Variants in NDST4 observed in about 807,000 individuals in gnomAD.
NDST4 encodes the protein N-deacetylase and N-sulfotransferase 4.
A neutral mutation model predicts 100.8 loss-of-function variants in NDST4; 63 were observed. The ratio of observed to expected loss-of-function variants is 0.62; its 90% confidence interval spans 0.51 to 0.77. NDST4 has a LOEUF of 0.77. NDST4 is among the 30% of genes least tolerant of loss of function. The probability of loss-of-function intolerance (pLI) is 0.00; values close to 1 mark genes in which losing one functional copy is unlikely to be tolerated. For synonymous variants in NDST4, 377 were observed against 361.8 expected (o/e 1.04, Z -0.48); for missense variants, 943 against 1,018.4 (o/e 0.93, Z 1.01).
Position 114,916,528 on chromosome 4 carries a change from G to A in NDST4, c.1536+18678C>T, listed in dbSNP as rs1725170482. 2.1e-5 allele frequency among the ~76,000 whole-genome samples: 3 copies of A among 144,820 alleles called. No homozygotes were observed. In the Admixed American group the frequency reaches 2.1e-4, roughly 10 times the overall value. On this transcript the variant is annotated intron_variant, in intron 6 of 13. Transcript: ENST00000264363. ...TCTAGTTCAGATGTCACATTGTCCT[G>A]GTAGGCTCTGTGTGTGTGTGTGTGT...
intron 2 of NDST4, among the ~76,000 whole-genome samples, chr4:115,011,423 A>G (rs1727542593): frequency 1.3e-5 from 2 of 150,732 alleles, no homozygotes; most frequent in South Asian, 4.2e-4. Context: ...CAAACTTTCT[A>G]CTTTTACAAT....
At chr4:114,929,109 C>G (rs111907201) in intron 6 of NDST4, among the ~76,000 whole-genome samples, 23 of 112,890 alleles carry the variant, frequency 2.0e-4, no homozygotes, top group Non-Finnish European at 3.3e-4. Context: ...TCCATCCATC[C>G]ATCCATCTAT....
intron 6 of NDST4, among the ~76,000 whole-genome samples, chr4:114,896,185 A>C (rs1004131269): frequency 1.3e-5 from 2 of 152,142 alleles, no homozygotes; most frequent in Non-Finnish European, 2.9e-5. Flanking sequence ...TAAACATTGG[A>C]CTCAATCTTT....
intron 7 of NDST4, among the ~76,000 whole-genome samples, chr4:114,868,483 C>T: frequency 6.6e-6 from 1 of 152,012 alleles, no homozygotes; most frequent in East Asian, 1.9e-4. Flanking sequence ...GACTTTTGGA[C>T]ATGATGTGTT....
rs1723345128 is a variant in NDST4 at position 114,838,275 on chromosome 4, T to C, written c.2286+1103A>G. ...AGACAGTATGGCAATTCTTCAAGGA[T>C]CTAGAGCCAGAGCTACCATTTGACC... On this transcript the variant is annotated intron_variant, in intron 11 of 13. Transcript: ENST00000264363. Among the ~76,000 whole-genome samples, 3 of 152,122 alleles carry C rather than the reference T, an allele frequency of 2.0e-5. No homozygotes were observed. The South Asian group carries it at 6.2e-4, about 31-fold the overall frequency.
At chr4:114,955,934 GA>G (rs1726129311) in intron 4 of NDST4, 1 of 152,142 alleles carries the variant, frequency 6.6e-6, no homozygotes, top group Non-Finnish European at 1.5e-5. Context: ...TTTCTCCTTG[GA>G]AATGGCAGTC....
At chr4:114,873,515 T>A (rs943134502) in intron 6 of NDST4, among the ~76,000 whole-genome samples, 1 of 152,012 alleles carries the variant, frequency 6.6e-6, no homozygotes, top group African/African-American at 2.4e-5. Context: ...TCTACCTAGA[T>A]ACATTATATA....
intron 6 of NDST4, among the ~76,000 whole-genome samples, chr4:114,929,074 G>GTCCGTCCGTCCGTCCGTCCA (rs1560816975): frequency 2.5e-5 from 3 of 120,560 alleles, no homozygotes; most frequent in Admixed American, 8.3e-5. Context: ...CCGTCCGTCC[G>GTCCGTCCGTCCGTCCGTCCA]TCCATCCATC....
chr4:114,975,308 A>T (rs2126243147), intron 3 of NDST4, among the ~76,000 whole-genome samples: 1 of 152,268 alleles, frequency 6.6e-6, no homozygotes, highest in South Asian at 2.1e-4. Flanking sequence ...GAAAGAAATT[A>T]AACTTCTAAA....
intron 2 of NDST4, among the ~76,000 whole-genome samples, chr4:115,034,720 G>A (rs1028588373): frequency 2.0e-5 from 3 of 151,986 alleles, no homozygotes; most frequent in Admixed American, 6.6e-5. Context: ...CATGGCCCCC[G>A]CCTTGATCCA....
At chr4:115,051,090 T>A (rs1302322112) in intron 2 of NDST4, among the ~76,000 whole-genome samples, 3 of 152,060 alleles carry the variant, frequency 2.0e-5, no homozygotes, top group Non-Finnish European at 2.9e-5. Flanking sequence ...GAACTAGAAA[T>A]TGCTTACTAC....
At chr4:114,882,184 G>A (rs1168756133) in intron 6 of NDST4, among the ~76,000 whole-genome samples, 1 of 150,186 alleles carries the variant, frequency 6.7e-6, no homozygotes, top group East Asian at 1.9e-4. Flanking sequence ...ATCAAACTTA[G>A]CTTTTCATGA....
chr4:114,902,932 T>G (rs373136575), intron 6 of NDST4, among the ~76,000 whole-genome samples: 2 of 152,208 alleles, frequency 1.3e-5, no homozygotes, highest in South Asian at 2.1e-4. Context: ...TTCTTAGAAT[T>G]TCCATCTCTT....
intron 6 of NDST4, among the ~76,000 whole-genome samples, chr4:114,932,248 CAT>C (rs1045910701): frequency 4.6e-5 from 7 of 151,864 alleles, no homozygotes; most frequent in Non-Finnish European, 1.5e-5. Context: ...TGACAAAAAT[CAT>C]ATGATCATCT....
chr4:114,926,487 CAT>C (rs1180290319), intron 6 of NDST4, among the ~76,000 whole-genome samples: 1 of 151,724 alleles, frequency 6.6e-6, no homozygotes, highest in Non-Finnish European at 1.5e-5. Context: ...AAAATAATGA[CAT>C]ATTTTGAAAT....
chr4:115,095,523 A>C (rs1035506600), intron 1 of NDST4, among the ~76,000 whole-genome samples: 1 of 151,950 alleles, frequency 6.6e-6, no homozygotes, highest in Non-Finnish European at 1.5e-5. Flanking sequence ...TCTCATTGTC[A>C]CTAATAGCCT....
Position 114,905,448 on chromosome 4 carries a change from T to G in NDST4, c.1536+29758A>C, listed in dbSNP as rs147187843. Among the ~76,000 whole-genome samples the G allele has an allele frequency of 7.9e-3, 1,193 of 151,594 alleles. 16 individuals are homozygous for G. The highest frequency in any genetic ancestry group is 0.027 in the African/African-American group (1,125 of 41,406). On this transcript the variant is annotated intron_variant, in intron 6 of 13. Coordinates refer to ENST00000264363, the MANE Select transcript of NDST4 (RefSeq NM_022569.3). ...TGTAGATAAAGGGTTTTATTTGATA[T>G]AGAGTAAAAACAGAGTTCTGTTTTT...
intron 6 of NDST4, among the ~76,000 whole-genome samples, chr4:114,906,647 G>T (rs1724954372): frequency 6.6e-6 from 1 of 151,726 alleles, no homozygotes; most frequent in South Asian, 2.1e-4. Flanking sequence ...TCTGGTTTTA[G>T]GTCTTTCAGT....
chr4:114,933,706 A>C (rs1335691661), intron 6 of NDST4, among the ~76,000 whole-genome samples: 2 of 152,102 alleles, frequency 1.3e-5, no homozygotes, highest in African/African-American at 4.8e-5. Context: ...ATTTGAAAAT[A>C]TATTTCTCAA....
Sources: allele counts gnomAD v4.1 joint callset (sites outside exome capture counted in the v4.1 genomes callset), GRCh38; gene constraint gnomAD v4.1.1; transcripts MANE v1.5; gene names NCBI Gene and HGNC (gene_info 2026-07-23, HGNC 2026-07-21).